The following PGM3 variants were observed in gnomAD, a reference collection of about 807,000 sequenced individuals.
PGM3 encodes the protein phosphoglucomutase 3, also known as phosphoacetylglucosamine mutase.
In PGM3, 40 loss-of-function variants were observed where a neutral mutation model predicts 66.2. The observed-to-expected ratio is 0.60, with a 90% confidence interval of 0.47 to 0.79. The LOEUF (loss-of-function observed/expected upper bound fraction) is 0.79, where lower values mean the gene tolerates loss of function less well. Ranked by LOEUF, PGM3 falls within the 30% of genes least tolerant of loss-of-function variation. The pLI, the probability that PGM3 is intolerant of heterozygous loss-of-function variation, is 0.00. For missense variants in PGM3, 537 were observed against 643.4 expected (o/e 0.83, Z 1.79); for synonymous variants, 191 against 224.2 (o/e 0.85, Z 1.32).
Position 83,166,362 on chromosome 6 carries a change from C to A in PGM3, c.*2872G>T. 2 of 698,296 alleles carry A rather than the reference C, an allele frequency of 2.9e-6. No homozygotes were observed. The highest frequency in any genetic ancestry group is 2.6e-6 in the Non-Finnish European group (1 of 383,404). 43.3% of individuals were successfully genotyped at this position (698,296 alleles called of 1,614,324 possible). A position where few individuals can be genotyped will look rare whatever the true frequency, so the allele number is the denominator to read the frequency against. On this transcript the variant is annotated 3_prime_UTR_variant, in exon 13 of 13. Coordinates refer to ENST00000513973, the MANE Select transcript of PGM3 (RefSeq NM_015599.3). ...CACTCCTCATCTTCAAGGCTCTAGT[C>A]TCCTTTGCAAAACTTCTTGAGCCAT...
downstream of PGM3, among the ~76,000 whole-genome samples, chr6:83,163,328 AAGT>A (rs1445988409): frequency 6.6e-6 from 1 of 152,180 alleles, no homozygotes; most frequent in Non-Finnish European, 1.5e-5. Context: ...TGACAAACAA[AAGT>A]ATGAGTTGAT....
At chr6:83,180,510 A>G (rs1357170525) in intron 6 of PGM3, among the ~76,000 whole-genome samples, 1 of 152,230 alleles carries the variant, frequency 6.6e-6, no homozygotes, top group Non-Finnish European at 1.5e-5. Context: ...TTATTAGAAA[A>G]TTTGGCTATT....
At chr6:83,150,613 CTT>C in the PGM3 span, among the ~76,000 whole-genome samples, 1 of 152,044 alleles carries the variant, frequency 6.6e-6, no homozygotes, top group Non-Finnish European at 1.5e-5. Context: ...GAAGGTTGCT[CTT>C]TAGTTTCATT....
rs1789015518 is a variant in PGM3, at chr6:83,191,203, A to G, written c.-2-189T>C. 3 of 1,534,798 alleles carry G rather than the reference A, an allele frequency of 2.0e-6. No individual in the cohort carries two copies. In the East Asian group the frequency reaches 7.3e-5, roughly 38 times the overall value. On this transcript the variant is annotated intron_variant, in intron 1 of 12. Coordinates refer to ENST00000513973, the MANE Select transcript of PGM3 (RefSeq NM_015599.3). Reference sequence around the variant, plus strand: ...TAGAATTACCTACAAGATGTTGTCCAACTTGGTATGTCCACTCCTGGGCAG... The same window carrying G: ...TAGAATTACCTACAAGATGTTGTCCGACTTGGTATGTCCACTCCTGGGCAG...
chr6:83,185,722 G>T (rs1017398155), intron 4 of PGM3, among the ~76,000 whole-genome samples: 6 of 152,044 alleles, frequency 3.9e-5, no homozygotes, highest in African/African-American at 1.5e-4. Context: ...TCGAGCCTCT[G>T]CACTCCAGCC....
At position 83,172,054 on chromosome 6, in the gene PGM3, A is replaced by G; in HGVS notation, c.1248T>C (p.Ala416=). The change falls in exon 11 of 13, where the codon GCT becomes GCC. Residue 416 remains alanine (A), a synonymous_variant. Transcript: ENST00000513973. ...CCAGCATGTCAGAAATAGCATCACC[A>G]GCTGCCTGCAAATGGGGAAACAAAT... is the stretch of plus-strand genomic sequence containing the variant. The part of the protein sequence containing the change: ...ENIIDLFNQA[A]GDAISDMLVI... The G allele has an allele frequency of 6.2e-7, 1 of 1,613,730 alleles. No individual in the cohort carries two copies. The highest frequency in any genetic ancestry group is 8.5e-7 in the Non-Finnish European group (1 of 1,179,874).
Position 83,169,015 on chromosome 6 carries a change from G to C in PGM3, c.*219C>G, listed in dbSNP as rs183067035. ...ACTTAAGTCCCAGTATTTTACATTA[G>C]TGAGACTGAAATTAGAGGTAAATTT... On this transcript the variant is annotated 3_prime_UTR_variant, in exon 13 of 13. Transcript: ENST00000513973. 7.4e-7 allele frequency: 1 copy of C among 1,345,314 alleles called. No homozygotes were observed. The highest frequency in any genetic ancestry group is 9.6e-7 in the Non-Finnish European group (1 of 1,046,976). The allele number at this position is 1,345,314 out of a possible 1,614,324, so 83.3% of individuals were successfully genotyped here. A position where few individuals can be genotyped will look rare whatever the true frequency, so the allele number is the denominator to read the frequency against.
In PGM3 at chr6:83,182,038, T is replaced by C. The variant is rs1001671117; in HGVS notation, c.592-107A>G. On this transcript the variant is annotated intron_variant, in intron 5 of 12. Coordinates refer to ENST00000513973, the MANE Select transcript of PGM3 (RefSeq NM_015599.3). Reference sequence around the variant, plus strand: ...CATATGTAAATATTTAGTTAACTCATTTTAATTTTTAAATTTTATCAATTA... The same window carrying C: ...CATATGTAAATATTTAGTTAACTCACTTTAATTTTTAAATTTTATCAATTA... 1.4e-5 allele frequency: 8 copies of C among 562,820 alleles called. No homozygotes were observed. The Admixed American group carries it at 2.7e-4, about 19-fold the overall frequency. The allele number at this position is 562,820 out of a possible 1,614,324, so 34.9% of individuals were successfully genotyped here.
Position 83,178,698 on chromosome 6 carries a change from G to C in PGM3, c.1004C>G (p.Thr335Arg), listed in dbSNP as rs770438539. Residue 335 changes from threonine (T) to arginine (R), a missense_variant, in exon 8 of 13, where the codon ACA becomes AGA. By Grantham distance (71) the Thr-to-Arg change is moderately conservative. Coordinates refer to ENST00000513973, the MANE Select transcript of PGM3 (RefSeq NM_015599.3). The part of the protein sequence containing the change: ...VQTAYANGSS[T>R]RYLEEVMKVP... ...CTTCATAACTTCTTCAAGATACCGT[G>C]TTGAACTTCCATTTGCATATGCAGT... 2 of 1,603,386 alleles carry C rather than the reference G, an allele frequency of 1.2e-6. No individual in the cohort carries two copies. The highest frequency in any genetic ancestry group is 4.5e-5 in the East Asian group (2 of 44,752).
Position 83,167,352 on chromosome 6 carries a change from A to G in PGM3, c.*1882T>C. 1.0e-6 allele frequency: 1 copy of G among 985,454 alleles called. No homozygotes were observed. The highest frequency in any genetic ancestry group is 1.2e-6 in the Non-Finnish European group (1 of 829,914). 61.0% of individuals were successfully genotyped at this position (985,454 alleles called of 1,614,324 possible). A position where few individuals can be genotyped will look rare whatever the true frequency, so the allele number is the denominator to read the frequency against. Reference sequence around the variant, plus strand: ...TTCCTTTCTCTGTGATGCAGTACTGACAGTAATTATTCACTTTGGACACTG... The same window carrying G: ...TTCCTTTCTCTGTGATGCAGTACTGGCAGTAATTATTCACTTTGGACACTG... On this transcript the variant is annotated 3_prime_UTR_variant, in exon 13 of 13. Coordinates refer to ENST00000513973, the MANE Select transcript of PGM3 (RefSeq NM_015599.3).
chr6:83,154,071 C>T, the PGM3 span: 4 of 1,613,184 alleles, frequency 2.5e-6, no homozygotes, highest in Non-Finnish European at 3.4e-6. Flanking sequence ...TTGTATTCAG[C>T]ATGATGCACC....
At chr6:83,188,508 G>T in intron 3 of PGM3, 106 bp downstream of exon 3, 1 of 851,698 alleles carries the variant, frequency 1.2e-6, no homozygotes, top group Non-Finnish European at 1.9e-6. Flanking sequence ...GCAACTCAGG[G>T]TAGTTCCACT....
chr6:83,184,943 G>A (rs923282412), intron 4 of PGM3, among the ~76,000 whole-genome samples: 1 of 152,114 alleles, frequency 6.6e-6, no homozygotes, highest in African/African-American at 2.4e-5. Context: ...TTCTCCCTAT[G>A]TTGCAGCTAC....
At chr6:83,152,933 G>A in the PGM3 span, among the ~76,000 whole-genome samples, 4 of 152,040 alleles carry the variant, frequency 2.6e-5, no homozygotes, top group African/African-American at 9.7e-5. Flanking sequence ...AGGGGTGGAG[G>A]TGATCTAAAG....
At chr6:83,155,616 A>G in the PGM3 span, among the ~76,000 whole-genome samples, 1 of 152,322 alleles carries the variant, frequency 6.6e-6, no homozygotes, top group South Asian at 2.1e-4. Flanking sequence ...CTACACCAGA[A>G]GGTATTTTTA....
Position 83,165,750 on chromosome 6 carries a change from A to C in PGM3, c.*3484T>G, listed in dbSNP as rs1477309451. The C allele has an allele frequency of 1.7e-5, 4 of 239,686 alleles. No individual in the cohort carries two copies. The highest frequency in any genetic ancestry group is 1.6e-4 in the Admixed American group (4 of 24,528). 14.8% of individuals were successfully genotyped at this position (239,686 alleles called of 1,614,324 possible). A position where few individuals can be genotyped will look rare whatever the true frequency, so the allele number is the denominator to read the frequency against. ...CAAAACTTCATAGCCCAATTAGTTCAATTTTCGAAGCGTTGGTTGTGCAAC... is the reference window on the plus strand; with the variant it reads ...CAAAACTTCATAGCCCAATTAGTTCCATTTTCGAAGCGTTGGTTGTGCAAC... On this transcript the variant is annotated 3_prime_UTR_variant, in exon 13 of 13. Transcript: ENST00000513973.
chr6:83,187,247 C>T (rs1330733971), intron 3 of PGM3, among the ~76,000 whole-genome samples, 172 bp from the exon 4 acceptor site: 2 of 152,094 alleles, frequency 1.3e-5, no homozygotes, highest in Non-Finnish European at 2.9e-5. Flanking sequence ...AAGCATTTTC[C>T]AGTAGCCTTT....
the PGM3 span, chr6:83,151,890 C>T: frequency 2.5e-6 from 4 of 1,613,632 alleles, no homozygotes; most frequent in East Asian, 8.9e-5. Flanking sequence ...TAGGATGTAA[C>T]TCACAAAATA....
intron 11 of PGM3, 77 bp from the exon 12 acceptor site, chr6:83,170,555 C>A: frequency 9.0e-7 from 1 of 1,105,520 alleles, no homozygotes; most frequent in South Asian, 1.6e-5. Flanking sequence ...ATACATTCTA[C>A]GAAAAGTGCC....
Sources: gnomAD v4.1 joint callset for allele counts (sites outside exome capture counted in the v4.1 genomes callset) on GRCh38, gnomAD v4.1.1 for gene constraint, MANE v1.5 for transcripts, NCBI Gene and HGNC (gene_info 2026-07-23, HGNC 2026-07-21) for gene names.